TPMT: variants seen among roughly 807,000 people sequenced by gnomAD.
TPMT encodes thiopurine S-methyltransferase, also known as S-adenosyl-L-methionine:thiopurine S-methyltransferase.
A neutral mutation model predicts 34.2 loss-of-function variants in TPMT; 18 were observed. That is an observed-to-expected ratio of 0.53 (90% CI 0.36 to 0.78). The LOEUF is 0.78. Among genes scored for constraint, TPMT ranks in the 30% least tolerant of loss-of-function variants. The pLI, the probability that TPMT is intolerant of heterozygous loss-of-function variation, is 0.00. For synonymous variants in TPMT, 69 were observed against 92.4 expected, an observed-to-expected ratio of 0.75 and a Z score of 1.45; for missense variants, 265 against 288.1, an observed-to-expected ratio of 0.92 and a Z score of 0.58.
At position 18,136,404 on chromosome 6, in the gene TPMT, T is replaced by A. The variant is rs1472193538; in HGVS notation, c.495-2515A>T. On this transcript the variant is annotated intron_variant, in intron 6 of 8. Transcript: ENST00000309983. The surrounding 1 kb of genome is among the most constrained non-coding windows in gnomAD (Gnocchi z 4.7). The stretch of plus-strand genomic sequence containing the variant: ...CTGTCAGAGCGAATACCATGTATAA[T>A]CTGTTCAGTTACTTGCCCCGCCTCT... Among the ~76,000 whole-genome samples the A allele has an allele frequency of 1.3e-5, 2 of 152,096 alleles. No individual in the cohort carries two copies. Among genetic ancestry groups the A allele is most frequent in the African/African-American group, 4.8e-5 (2 of 41,414 alleles).
chr6:18,144,126 G>A (rs78846653), intron 3 of TPMT, among the ~76,000 whole-genome samples: 2,101 of 152,146 alleles, frequency 0.014, 45 homozygotes, highest in African/African-American at 0.048. Flanking sequence ...TATATCTGTC[G>A]CTGTCCAATA....
At position 18,135,697 on chromosome 6, in the gene TPMT, C is replaced by T. The variant is rs142141376; in HGVS notation, c.495-1808G>A. ...GACCAGCCTGACCAACATGGAGAAA[C>T]CCCGTCTCTAGTAAAAATACAAAAT... On this transcript the variant is annotated intron_variant, in intron 6 of 8. Transcript: ENST00000309983. The surrounding 1 kb of genome is among the most constrained non-coding windows in gnomAD (Gnocchi z 5.0). Among the ~76,000 whole-genome samples, 8 of 151,962 alleles carry T rather than the reference C, an allele frequency of 5.3e-5. No individual in the cohort carries two copies. In the East Asian group the frequency reaches 1.6e-3, roughly 30 times the overall value.
intron 1 of TPMT, among the ~76,000 whole-genome samples, chr6:18,151,490 T>A: frequency 6.6e-6 from 1 of 151,966 alleles, no homozygotes. Context: ...AAAAAAAGAA[T>A]AGGTATAAAA....
rs116769118 is a variant in TPMT, at chr6:18,135,162, G to C, written c.495-1273C>G. On this transcript the variant is annotated intron_variant, in intron 6 of 8. Transcript: ENST00000309983. The surrounding 1 kb of genome is among the most constrained non-coding windows in gnomAD (Gnocchi z 5.0). ...CCTCACAAACTGTGAGAATTCACCAGTGGATCACTCTTCCTTGTAGGTGAA... is the reference window on the plus strand; with the variant it reads ...CCTCACAAACTGTGAGAATTCACCACTGGATCACTCTTCCTTGTAGGTGAA... Among the ~76,000 whole-genome samples the C allele has an allele frequency of 0.036, 5,467 of 152,336 alleles. 123 individuals are homozygous for C. Among genetic ancestry groups the C allele is most frequent in the South Asian group, 0.082 (394 of 4,832 alleles).
In TPMT at chr6:18,143,066, G is replaced by A. The variant is rs1293813638; in HGVS notation, c.366+530C>T. On this transcript the variant is annotated intron_variant, in intron 4 of 8. Transcript: ENST00000309983. The surrounding 1 kb of genome is among the most constrained non-coding windows in gnomAD (Gnocchi z 6.1). The stretch of plus-strand genomic sequence containing the variant: ...TCTTCCCGAGGTGTCCAAGACCATG[G>A]ACCCAGGCCCTGCCTGATTCCAGCT... Among the ~76,000 whole-genome samples the A allele has an allele frequency of 6.6e-5, 10 of 152,108 alleles. No homozygotes were observed. Among genetic ancestry groups the A allele is most frequent in the Non-Finnish European group, 1.5e-4 (10 of 68,022 alleles).
At position 18,138,651 on chromosome 6, in the gene TPMT, T is replaced by C. The variant is rs980522383; in HGVS notation, c.494+312A>G. Among the ~76,000 whole-genome samples, 1 of 152,176 alleles carries C rather than the reference T, an allele frequency of 6.6e-6. No individual in the cohort carries two copies. Among genetic ancestry groups the C allele is most frequent in the Non-Finnish European group, 1.5e-5 (1 of 68,038 alleles). On this transcript the variant is annotated intron_variant, in intron 6 of 8. Coordinates refer to ENST00000309983, the MANE Select transcript of TPMT (RefSeq NM_000367.5). This position sits in a 1 kb window ranked among gnomAD's most constrained non-coding sequence, Gnocchi z 4.1. ...GTAATATTAGTGGAGGTGGTGATGA[T>C]TGTGTTAGTATTACAGAAATATTCC...
intron 1 of TPMT, among the ~76,000 whole-genome samples, chr6:18,152,368 C>T (rs571443061): frequency 6.6e-6 from 1 of 152,154 alleles, no homozygotes; most frequent in Non-Finnish European, 1.5e-5. Context: ...CTGTTATTTT[C>T]AGGAGACAGC....
intron 3 of TPMT, among the ~76,000 whole-genome samples, chr6:18,147,322 C>G (rs993998019): frequency 3.3e-5 from 5 of 152,168 alleles, no homozygotes; most frequent in African/African-American, 1.2e-4. Flanking sequence ...ACAAGAAATA[C>G]TTTCTTAATC....
At position 18,139,689 on chromosome 6, in the gene TPMT, C is replaced by T. The variant is rs72552738; in HGVS notation, c.395G>A (p.Cys132Tyr). The change falls in exon 5 of 9, where the codon TGT becomes TAT. Residue 132 changes from cysteine (C) to tyrosine (Y), a missense_variant. Coordinates refer to ENST00000309983, the MANE Select transcript of TPMT (RefSeq NM_000367.5). This position sits in a 1 kb window ranked among gnomAD's most constrained non-coding sequence, Gnocchi z 4.2. ...CCTGGGAAGATCAAAAATACTGCAA[C>T]AGTACAATGAAATGTTCCCCGAAGA... The part of the protein sequence containing the change: ...KSSSGNISLY[C>Y]CSIFDLPRTN... 6.2e-7 allele frequency: 1 copy of T among 1,612,724 alleles called. No individual in the cohort carries two copies. The highest frequency in any genetic ancestry group is 8.5e-7 in the Non-Finnish European group (1 of 1,179,676).
Position 18,130,527 on chromosome 6 carries a change from C to T in TPMT, c.*141G>A. The T allele has an allele frequency of 1.6e-6, 1 of 643,394 alleles. No homozygotes were observed. The highest frequency in any genetic ancestry group is 2.7e-6 in the Non-Finnish European group (1 of 371,602). The allele number at this position is 643,394 out of a possible 1,614,324, so 39.9% of individuals were successfully genotyped here. On this transcript the variant is annotated 3_prime_UTR_variant, in exon 9 of 9. Coordinates refer to ENST00000309983, the MANE Select transcript of TPMT (RefSeq NM_000367.5). This position sits in a 1 kb window ranked among gnomAD's most constrained non-coding sequence, Gnocchi z 4.2. ...TTTTTAGAAAAAGTAAATGGCTTTA[C>T]TAAAAAGCCATTTTTAGTAAAGATC...
rs2842946 is a variant in TPMT, at chr6:18,131,602, A to T, written c.625+531T>A. Among the ~76,000 whole-genome samples, 23,766 of 151,998 alleles carry T rather than the reference A, an allele frequency of 0.16. 2,318 individuals are homozygous for T. Among genetic ancestry groups the T allele is most frequent in the East Asian group, 0.35 (1,824 of 5,166 alleles). ...TCTCAAAAATAAACAAATAAAAAAAAATATACCATCTCTCTAGAAAAGTTC... is the reference window on the plus strand; with the variant it reads ...TCTCAAAAATAAACAAATAAAAAAATATATACCATCTCTCTAGAAAAGTTC... On this transcript the variant is annotated intron_variant, in intron 8 of 8. Transcript: ENST00000309983. This position sits in a 1 kb window ranked among gnomAD's most constrained non-coding sequence, Gnocchi z 4.3.
Position 18,149,141 on chromosome 6 carries a change from C to T in TPMT, c.-14G>A, listed in dbSNP as rs1784303899. On this transcript the variant is annotated 5_prime_UTR_variant, in exon 2 of 9. It adds an upstream start codon to the 5' untranslated region. Transcript: ENST00000309983. The surrounding 1 kb of genome is among the most constrained non-coding windows in gnomAD (Gnocchi z 5.0). ...TGTACCATCCATAGTTTCAGAGACA[C>T]CTTTGTCTCACAAGCATATGTCTTC... The T allele has an allele frequency of 2.5e-6, 4 of 1,613,954 alleles. No individual in the cohort carries two copies. Among genetic ancestry groups the T allele is most frequent in the Middle Eastern group, 1.7e-4 (1 of 6,060 alleles).
chr6:18,139,849 A>C lies in TPMT; in HGVS notation c.367-132T>G, dbSNP rs1230755959. The stretch of plus-strand genomic sequence containing the variant: ...TTAATTAAACATAATTAAAGTAAAT[A>C]ATTTTACTGCACTTTATTGGCACCT... On this transcript the variant is annotated intron_variant, in intron 4 of 8. Transcript: ENST00000309983. This position sits in a 1 kb window ranked among gnomAD's most constrained non-coding sequence, Gnocchi z 4.2. The C allele has an allele frequency of 4.7e-6, 3 of 635,346 alleles. No individual in the cohort carries two copies. In the East Asian group the frequency reaches 8.7e-5, roughly 19 times the overall value. The allele number at this position is 635,346 out of a possible 1,614,324, so 39.4% of individuals were successfully genotyped here. A position where few individuals can be genotyped will look rare whatever the true frequency, so the allele number is the denominator to read the frequency against.
In TPMT at chr6:18,128,875, A is replaced by G. The variant is rs1485117534; in HGVS notation, c.*1793T>C. On this transcript the variant is annotated 3_prime_UTR_variant, in exon 9 of 9. Coordinates refer to ENST00000309983, the MANE Select transcript of TPMT (RefSeq NM_000367.5). The surrounding 1 kb of genome is among the most constrained non-coding windows in gnomAD (Gnocchi z 4.6). The stretch of plus-strand genomic sequence containing the variant: ...GCTGGGATTACAGGCACGTGCCACC[A>G]CGCCTGGCTAATTTTTTTGTATTTT... 2 of 152,286 alleles carry G rather than the reference A, an allele frequency of 1.3e-5. No individual in the cohort carries two copies. The highest frequency in any genetic ancestry group is 1.3e-4 in the Admixed American group (2 of 15,262). The allele number at this position is 152,286 out of a possible 1,614,324, so 9.4% of individuals were successfully genotyped here.
chr6:18,132,188 G>C lies in TPMT; in HGVS notation c.581-11C>G. 1 of 1,613,776 alleles carries C rather than the reference G, an allele frequency of 6.2e-7. No homozygotes were observed. Among genetic ancestry groups the C allele is most frequent in the South Asian group, 1.1e-5 (1 of 91,062 alleles). On this transcript the variant is annotated splice_polypyrimidine_tract_variant and intron_variant, in intron 7 of 8. Coordinates refer to ENST00000309983, the MANE Select transcript of TPMT (RefSeq NM_000367.5). This position sits in a 1 kb window ranked among gnomAD's most constrained non-coding sequence, Gnocchi z 4.8. The stretch of plus-strand genomic sequence containing the variant: ...CATAAAATGGTGGACCTAGGTAAAA[G>C]AGAAATAAATTCTGAGTTTATTTCC...
chr6:18,130,815 T>C lies in TPMT; in HGVS notation c.626-35A>G, dbSNP rs991129619. 4.6e-6 allele frequency: 7 copies of C among 1,535,396 alleles called. No individual in the cohort carries two copies. The highest frequency in any genetic ancestry group is 2.7e-5 in the African/African-American group (2 of 73,230). On this transcript the variant is annotated intron_variant, in intron 8 of 8. Coordinates refer to ENST00000309983, the MANE Select transcript of TPMT (RefSeq NM_000367.5). This position sits in a 1 kb window ranked among gnomAD's most constrained non-coding sequence, Gnocchi z 4.2. ...GAAAGAGTAACATGTTAAAATACTA[T>C]GAAGAATGACATCAGGGATTCTTTT...
Position 18,143,256 on chromosome 6 carries a change from G to C in TPMT, c.366+340C>G, listed in dbSNP as rs377391122. Reference sequence around the variant, plus strand: ...AGAGATTCTTTAGGGGTGGGAGTGAGGGGGGTGTGCTGTGTTATCTTTATC... The same window carrying C: ...AGAGATTCTTTAGGGGTGGGAGTGACGGGGGTGTGCTGTGTTATCTTTATC... On this transcript the variant is annotated intron_variant, in intron 4 of 8. Transcript: ENST00000309983. The surrounding 1 kb of genome is among the most constrained non-coding windows in gnomAD (Gnocchi z 6.1). Among the ~76,000 whole-genome samples, 363 of 152,242 alleles carry C rather than the reference G, an allele frequency of 2.4e-3. 2 individuals are homozygous for C. Among genetic ancestry groups the C allele is most frequent in the African/African-American group, 8.4e-3 (348 of 41,538 alleles).
In TPMT at chr6:18,153,295, C is replaced by T. The variant is rs950551920; in HGVS notation, c.-45+1738G>A. Among the ~76,000 whole-genome samples the T allele has an allele frequency of 2.6e-5, 4 of 152,208 alleles. No individual in the cohort carries two copies. The highest frequency in any genetic ancestry group is 2.1e-4 in the South Asian group (1 of 4,834). ...TATGAACTTCTCATTCTTCAGCTGA[C>T]AGACCATAACTGCAGATCCATCTGA... On this transcript the variant is annotated intron_variant, in intron 1 of 8. Coordinates refer to ENST00000309983, the MANE Select transcript of TPMT (RefSeq NM_000367.5). The surrounding 1 kb of genome is among the most constrained non-coding windows in gnomAD (Gnocchi z 4.2).
intron 4 of TPMT, among the ~76,000 whole-genome samples, chr6:18,142,424 C>T (rs977313174): frequency 1.3e-5 from 2 of 152,040 alleles, no homozygotes; most frequent in Non-Finnish European, 2.9e-5. Context: ...AAACATGCTC[C>T]CCAAACCAAT....
Sources: gnomAD v4.1 joint callset for allele counts (sites outside exome capture counted in the v4.1 genomes callset) on GRCh38, gnomAD v4.1.1 for gene constraint, Gnocchi (gnomAD v3.1) non-coding constraint, MANE v1.5 for transcripts, NCBI Gene and HGNC (gene_info 2026-07-23, HGNC 2026-07-21) for gene names.